MSRA: variants seen among roughly 807,000 people sequenced by gnomAD.
MSRA encodes mitochondrial peptide methionine sulfoxide reductase.
A neutral mutation model predicts 31.3 loss-of-function variants in MSRA; 54 were observed. That is an observed-to-expected ratio of 1.73 (90% CI 1.39 to 2.17). The LOEUF is 2.17. MSRA is among the 30% of genes most tolerant of loss of function. MSRA has a pLI of 0.00. For synonymous variants in MSRA, 169 were observed against 116.5 expected (o/e 1.45, Z -2.90); for missense variants, 507 against 300.9 (o/e 1.69, Z -5.07).
rs1392939827 is a variant in MSRA at position 10,184,781 on chromosome 8, A to T, written c.143-23052A>T. Among the ~76,000 whole-genome samples, 3 of 152,168 alleles carry T rather than the reference A, an allele frequency of 2.0e-5. No individual in the cohort carries two copies. The East Asian group carries it at 5.8e-4, about 29-fold the overall frequency. ...GAAAAGTTAGTTTACATGTCAAAGG[A>T]CACACAGTCGTATAACTGACAACTG... On this transcript the variant is annotated intron_variant, in intron 1 of 5. Coordinates refer to ENST00000317173, the MANE Select transcript of MSRA (RefSeq NM_012331.5).
intron 1 of MSRA, among the ~76,000 whole-genome samples, chr8:10,090,480 T>G (rs922406296): frequency 6.6e-6 from 1 of 152,222 alleles, no homozygotes; most frequent in African/African-American, 2.4e-5. Context: ...GAGTTTATCT[T>G]GGGTTGTAAC....
At position 10,381,114 on chromosome 8, in the gene MSRA, T is replaced by C. The variant is rs142944226; in HGVS notation, c.544-47034T>C. On this transcript the variant is annotated intron_variant, in intron 5 of 5. Transcript: ENST00000317173. ...TCTATTCCTATGCTTCTGTGGCTTCTGAAGAGGTGCCTGGGCAGTGACTTC... is the reference window on the plus strand; with the variant it reads ...TCTATTCCTATGCTTCTGTGGCTTCCGAAGAGGTGCCTGGGCAGTGACTTC... 2.1e-3 allele frequency among the ~76,000 whole-genome samples: 325 copies of C among 152,290 alleles called. 1 individual carries two copies. The highest frequency in any genetic ancestry group is 7.6e-3 in the African/African-American group (316 of 41,554).
intron 2 of MSRA, 69 bp downstream of exon 2, chr8:10,207,970 G>GC: frequency 7.5e-7 from 1 of 1,325,000 alleles, no homozygotes; most frequent in Non-Finnish European, 1.1e-6. Context: ...CTTAGTTTTA[G>GC]CAAGTGTTCT....
At chr8:10,173,155 T>C (rs913456552) in intron 1 of MSRA, among the ~76,000 whole-genome samples, 1 of 152,246 alleles carries the variant, frequency 6.6e-6, no homozygotes, top group Non-Finnish European at 1.5e-5. Flanking sequence ...TACAAACTGT[T>C]TTATTTAAAA....
chr8:10,100,403 C>T (rs1232197427), intron 1 of MSRA, among the ~76,000 whole-genome samples: 2 of 152,078 alleles, frequency 1.3e-5, no homozygotes, highest in Non-Finnish European at 2.9e-5. Context: ...ACCAAGTCCC[C>T]ATTGTGCTTG....
intron 3 of MSRA, among the ~76,000 whole-genome samples, chr8:10,282,054 G>A (rs1275985257): frequency 2.0e-5 from 3 of 152,136 alleles, no homozygotes; most frequent in African/African-American, 7.2e-5. Flanking sequence ...CTCCCCCCAC[G>A]TACAATAGTG....
At chr8:10,085,489 C>G (rs1798513771) in intron 1 of MSRA, among the ~76,000 whole-genome samples, 1 of 152,222 alleles carries the variant, frequency 6.6e-6, no homozygotes. Flanking sequence ...TGAGCGGAAC[C>G]TCTTTTAGGT....
In MSRA at chr8:10,389,422, C is replaced by T. The variant is rs150194514; in HGVS notation, c.544-38726C>T. On this transcript the variant is annotated intron_variant, in intron 5 of 5. Coordinates refer to ENST00000317173, the MANE Select transcript of MSRA (RefSeq NM_012331.5). ...GCTTCCCTTTGCAATATTTTTTAAA[C>T]GTAGCTGTTATGCACTAAATGCCCT... Among the ~76,000 whole-genome samples the T allele has an allele frequency of 2.2e-4, 34 of 152,342 alleles. No individual in the cohort carries two copies. In the East Asian group the frequency reaches 5.6e-3, roughly 25 times the overall value.
At chr8:10,389,928 G>C (rs1353562774) in intron 5 of MSRA, among the ~76,000 whole-genome samples, 1 of 152,092 alleles carries the variant, frequency 6.6e-6, no homozygotes, top group African/African-American at 2.4e-5. Flanking sequence ...AGGCCCAAAC[G>C]GTCAGATTCT....
At chr8:10,199,028 T>A (rs1227672558) in intron 1 of MSRA, among the ~76,000 whole-genome samples, 1 of 152,216 alleles carries the variant, frequency 6.6e-6, no homozygotes, top group Non-Finnish European at 1.5e-5. Context: ...TGAGCATCTA[T>A]TGTGTATTTA....
At chr8:10,332,335 C>T (rs558018342) in intron 5 of MSRA, among the ~76,000 whole-genome samples, 118 of 152,134 alleles carry the variant, frequency 7.8e-4, no homozygotes, top group South Asian at 2.3e-3. Context: ...CATAGCTCTT[C>T]GTCTTTAAAA....
At chr8:10,164,756 G>C (rs1262312177) in intron 1 of MSRA, among the ~76,000 whole-genome samples, 1 of 152,120 alleles carries the variant, frequency 6.6e-6, no homozygotes, top group Non-Finnish European at 1.5e-5. Context: ...AATCACCTGA[G>C]CCAGTGGCTC....
At position 10,382,943 on chromosome 8, in the gene MSRA, T is replaced by C. The variant is rs1806163987; in HGVS notation, c.544-45205T>C. ...CATCTTCCTGAATGTGGTTTCCTCT[T>C]TGAAACTTTCATCTTCTCCTGCAGT... On this transcript the variant is annotated intron_variant, in intron 5 of 5. Coordinates refer to ENST00000317173, the MANE Select transcript of MSRA (RefSeq NM_012331.5). Among the ~76,000 whole-genome samples the C allele has an allele frequency of 1.3e-5, 2 of 152,212 alleles. 1 individual carries two copies. Among genetic ancestry groups the C allele is most frequent in the South Asian group, 4.2e-4 (2 of 4,818 alleles).
chr8:10,054,986 C>T (rs1008307780), intron 1 of MSRA, among the ~76,000 whole-genome samples: 5 of 152,218 alleles, frequency 3.3e-5, no homozygotes, highest in African/African-American at 9.6e-5. Flanking sequence ...TGGGGTCTGG[C>T]CTTGCTCGCG....
At chr8:10,315,645 A>C (rs891006500) in intron 4 of MSRA, among the ~76,000 whole-genome samples, 2 of 152,370 alleles carry the variant, frequency 1.3e-5, no homozygotes, top group South Asian at 2.1e-4. Context: ...ATGTGTGTGC[A>C]CATGTGTGCT....
At chr8:10,376,129 C>G (rs1309231519) in intron 5 of MSRA, among the ~76,000 whole-genome samples, 1 of 152,196 alleles carries the variant, frequency 6.6e-6, no homozygotes, top group Non-Finnish European at 1.5e-5. Context: ...ACATTTCTGA[C>G]AATCTGAGCT....
chr8:10,343,510 T>C (rs1803573766), intron 5 of MSRA, among the ~76,000 whole-genome samples: 1 of 152,246 alleles, frequency 6.6e-6, no homozygotes, highest in East Asian at 1.9e-4. Context: ...CAAAGTGGAA[T>C]GTCTGCTTCT....
intron 5 of MSRA, among the ~76,000 whole-genome samples, chr8:10,391,287 G>A (rs1022437799): frequency 3.3e-5 from 5 of 152,138 alleles, no homozygotes; most frequent in Admixed American, 1.3e-4. Flanking sequence ...CGGACTCAAG[G>A]TCTGCTCTGG....
chr8:10,316,643 C>G (rs1337090091), intron 4 of MSRA, among the ~76,000 whole-genome samples: 1 of 147,120 alleles, frequency 6.8e-6, no homozygotes, highest in African/African-American at 2.5e-5. Flanking sequence ...GCTGTCCATT[C>G]ATTTATTCAG....
Sources: allele counts gnomAD v4.1 joint callset (sites outside exome capture counted in the v4.1 genomes callset), GRCh38; gene constraint gnomAD v4.1.1; transcripts MANE v1.5; gene names NCBI Gene and HGNC (gene_info 2026-07-23, HGNC 2026-07-21).